Variants in ARHGEF26 observed in about 807,000 individuals in gnomAD.
ARHGEF26 encodes the protein Rho guanine nucleotide exchange factor 26.
In ARHGEF26, 59 loss-of-function variants were observed where a neutral mutation model predicts 89.4. The observed-to-expected ratio is 0.66, with a 90% confidence interval of 0.54 to 0.82. ARHGEF26 has a LOEUF of 0.82. Among genes scored for constraint, ARHGEF26 ranks in the 40% least tolerant of loss-of-function variants. The pLI is 0.00. For synonymous variants in ARHGEF26, 500 were observed against 428.4 expected, an observed-to-expected ratio of 1.17 and a Z score of -2.06; for missense variants, 1,234 against 1,085.6, an observed-to-expected ratio of 1.14 and a Z score of -1.92.
chr3:154,253,950 T>A lies in ARHGEF26; in HGVS notation c.2368+767T>A, dbSNP rs1048566591. Among the ~76,000 whole-genome samples the A allele has an allele frequency of 1.2e-4, 18 of 152,230 alleles. No individual in the cohort carries two copies. The Middle Eastern group carries it at 0.017, about 144-fold the overall frequency. ...GTCACATGTCAGCATTTTGTTTGTT[T>A]GTTTTGAGATGGAGTCTCGCTCTGG... On this transcript the variant is annotated intron_variant, in intron 13 of 14. Transcript: ENST00000465093.
intron 12 of ARHGEF26, among the ~76,000 whole-genome samples, chr3:154,245,336 G>A (rs16823811): frequency 0.012 from 1,899 of 152,268 alleles, 44 homozygotes; most frequent in African/African-American, 0.044. Flanking sequence ...GCCTCAATCC[G>A]TAGGCTTTAA....
chr3:154,201,023 T>C (rs1019260465), intron 9 of ARHGEF26, among the ~76,000 whole-genome samples: 1 of 152,154 alleles, frequency 6.6e-6, no homozygotes, highest in South Asian at 2.1e-4. Context: ...TATTATACTT[T>C]AAGTTTTAGG....
intron 6 of ARHGEF26, among the ~76,000 whole-genome samples, chr3:154,172,211 A>C (rs1362076646): frequency 1.3e-5 from 2 of 152,338 alleles, no homozygotes; most frequent in Middle Eastern, 3.4e-3. Flanking sequence ...TGCCTTCCAG[A>C]AGATTATTGG....
intron 6 of ARHGEF26, among the ~76,000 whole-genome samples, chr3:154,178,006 C>T (rs1481034843): frequency 1.3e-5 from 2 of 152,050 alleles, no homozygotes; most frequent in Non-Finnish European, 2.9e-5. Flanking sequence ...GAGTTCGAGA[C>T]CAGCCTGGCC....
At chr3:154,211,863 A>ATC (rs1235907418) in intron 9 of ARHGEF26, among the ~76,000 whole-genome samples, 2 of 68,920 alleles carry the variant, frequency 2.9e-5, no homozygotes, top group East Asian at 8.3e-4. Flanking sequence ...GTGTGTATAT[A>ATC]TATATGTGTG....
At chr3:154,196,212 A>C (rs566719398) in intron 9 of ARHGEF26, among the ~76,000 whole-genome samples, 61 of 152,282 alleles carry the variant, frequency 4.0e-4, no homozygotes, top group Middle Eastern at 6.8e-3. Flanking sequence ...GGGAGTAGAA[A>C]GAGAAAGAGC....
intron 4 of ARHGEF26, among the ~76,000 whole-genome samples, chr3:154,142,485 A>G (rs768954123): frequency 3.3e-5 from 5 of 152,208 alleles, no homozygotes; most frequent in Non-Finnish European, 2.9e-5. Context: ...TGCTTTGTAC[A>G]TCTAATGGAA....
At position 154,240,556 on chromosome 3, in the gene ARHGEF26, G is replaced by A. The variant is rs367564565; in HGVS notation, c.2277G>A (p.Glu759=). The A allele has an allele frequency of 1.9e-6, 3 of 1,611,644 alleles. No individual in the cohort carries two copies. Among genetic ancestry groups the A allele is most frequent in the African/African-American group, 2.7e-5 (2 of 74,904 alleles). Residue 759 remains glutamate (E), a synonymous_variant, in exon 12 of 15, where the codon GAG becomes GAA. Transcript: ENST00000465093. ...VLSNHANEKV[E]MLLGAETQSE... ...GTAACCACGCGAATGAGAAAGTGGA[G>A]ATGCTACTAGGAGCTGAGACGCAGT...
At position 154,129,595 on chromosome 3, in the gene ARHGEF26, A is replaced by C. The variant is rs772339917; in HGVS notation, c.1145A>C (p.Asn382Thr). The change falls in exon 4 of 15, where the codon AAC (asparagine) becomes ACC (threonine). Residue 382 changes from asparagine to threonine, a missense_variant. Coordinates refer to ENST00000465093, the MANE Select transcript of ARHGEF26 (RefSeq NM_015595.4). ...DGEENAVLYQ[N>T]YKEKALDIDS... Reference sequence around the variant, plus strand: ...GCAGAAAATGCTGTCCTGTATCAAAACTACAAGGAAAAGGCCCTTGACATT... The same window carrying C: ...GCAGAAAATGCTGTCCTGTATCAAACCTACAAGGAAAAGGCCCTTGACATT... 1 of 1,611,874 alleles carries C rather than the reference A, an allele frequency of 6.2e-7. No homozygotes were observed.
intron 6 of ARHGEF26, chr3:154,187,080 C>T (rs1043740942): frequency 1.6e-4 from 29 of 179,482 alleles, no homozygotes; most frequent in Admixed American, 1.3e-4. Flanking sequence ...TTAGGAGAGA[C>T]GGCGTTTCAC....
chr3:154,226,106 A>T (rs1053877646), intron 11 of ARHGEF26, 96 bp downstream of exon 11: 29 of 1,105,982 alleles, frequency 2.6e-5, no homozygotes, highest in Non-Finnish European at 3.6e-5. Flanking sequence ...AAAGCTAGAA[A>T]TGTTGGAAGT....
intron 6 of ARHGEF26, among the ~76,000 whole-genome samples, chr3:154,183,457 A>T (rs192257911): frequency 3.8e-4 from 58 of 152,354 alleles, no homozygotes; most frequent in African/African-American, 1.3e-3. Context: ...CGTAAGCCAA[A>T]TTATTTCATT....
At chr3:154,188,622 T>C (rs575528720) in intron 7 of ARHGEF26, among the ~76,000 whole-genome samples, 3 of 152,190 alleles carry the variant, frequency 2.0e-5, no homozygotes, top group Non-Finnish European at 4.4e-5. Flanking sequence ...ATGGCTGTTA[T>C]CGTTCTCACC....
chr3:154,129,161 T>C (rs555064109), intron 3 of ARHGEF26, among the ~76,000 whole-genome samples: 6 of 152,202 alleles, frequency 3.9e-5, no homozygotes, highest in Non-Finnish European at 7.3e-5. Flanking sequence ...GTCTTTCTTT[T>C]GTTTTCCATT....
intron 4 of ARHGEF26, among the ~76,000 whole-genome samples, chr3:154,139,234 C>T (rs759012176): frequency 1.3e-5 from 2 of 152,122 alleles, no homozygotes; most frequent in African/African-American, 4.8e-5. Context: ...TGGGTTTTTC[C>T]TCATTCCTCT....
chr3:154,152,808 T>C lies in ARHGEF26; in HGVS notation c.1363T>C (p.Leu455=), dbSNP rs1720100849. Residue 455 remains leucine, a synonymous_variant, in exon 6 of 15, where the codon TTA becomes CTA. Coordinates refer to ENST00000465093, the MANE Select transcript of ARHGEF26 (RefSeq NM_015595.4). ...FEVISSEHSY[L]LSLEILIRMF... ...AGTCATATCCTCTGAACATTCATAT[T>C]TACTCAGCTTGGAGATCTTGATACG... 2 of 1,559,418 alleles carry C rather than the reference T, an allele frequency of 1.3e-6. No individual in the cohort carries two copies. Among genetic ancestry groups the C allele is most frequent in the South Asian group, 2.4e-5 (2 of 83,026 alleles).
intron 4 of ARHGEF26, among the ~76,000 whole-genome samples, chr3:154,146,284 A>G (rs1282204943): frequency 6.6e-6 from 1 of 152,174 alleles, no homozygotes; most frequent in African/African-American, 2.4e-5. Context: ...AGCAAAGCTT[A>G]ATCACTTCTT....
At chr3:154,240,668 G>C in intron 12 of ARHGEF26, 89 bp downstream of exon 12, 1 of 1,209,922 alleles carries the variant, frequency 8.3e-7, no homozygotes, top group Non-Finnish European at 1.1e-6. Flanking sequence ...AAAAACAGCA[G>C]CTACTATTCA....
rs1160247575 is a variant in ARHGEF26 at position 154,122,298 on chromosome 3, G to C, written c.306G>C (p.Arg102Ser). Residue 102 changes from arginine to serine, a missense_variant, in exon 2 of 15, where the codon AGG becomes AGC. Transcript: ENST00000465093. ...ANGGTASPEY[R>S]AASPRLRRPK... ...GTGGGACGGCATCCCCGGAGTACAG[G>C]GCTGCCTCTCCTCGACTTCGACGGC... 1 of 1,612,720 alleles carries C rather than the reference G, an allele frequency of 6.2e-7. No homozygotes were observed.
Sources: allele counts gnomAD v4.1 joint callset (sites outside exome capture counted in the v4.1 genomes callset), GRCh38; gene constraint gnomAD v4.1.1; transcripts MANE v1.5; gene names NCBI Gene and HGNC (gene_info 2026-07-23, HGNC 2026-07-21).